Variants in PTPRZ1 observed in about 807,000 individuals in gnomAD.
PTPRZ1 encodes receptor-type tyrosine-protein phosphatase zeta.
Under a neutral mutation model 214.1 loss-of-function variants are expected in PTPRZ1, and 82 were observed. That is an observed-to-expected ratio of 0.38 (90% CI 0.32 to 0.46). PTPRZ1 has a LOEUF of 0.46. Among genes scored for constraint, PTPRZ1 ranks in the 20% least tolerant of loss-of-function variants. PTPRZ1 has a pLI of 1.00. For synonymous variants in PTPRZ1, 945 were observed against 987.9 expected (o/e 0.96, Z 0.81); for missense variants, 2,603 against 2,748.7 (o/e 0.95, Z 1.19).
At chr7:121,876,208 A>G (rs2116133875) in intron 1 of PTPRZ1, among the ~76,000 whole-genome samples, 1 of 152,236 alleles carries the variant, frequency 6.6e-6, no homozygotes, top group East Asian at 1.9e-4. Context: ...ACCAAAACAA[A>G]TTTTTCTTGA....
chr7:121,878,703 G>A lies in PTPRZ1; in HGVS notation c.58+5146G>A, dbSNP rs187031131. ...TTCAATTTATCTGTCTCCTTGACTC[G>A]ACCACATTATTTGAGGGTAAAGAAT... On this transcript the variant is annotated intron_variant, in intron 1 of 29. Coordinates refer to ENST00000393386, the MANE Select transcript of PTPRZ1 (RefSeq NM_002851.3). Among the ~76,000 whole-genome samples, 4 of 152,052 alleles carry A rather than the reference G, an allele frequency of 2.6e-5. No homozygotes were observed. The East Asian group carries it at 5.8e-4, about 22-fold the overall frequency.
At chr7:121,970,740 T>G (rs553357389) in intron 3 of PTPRZ1, among the ~76,000 whole-genome samples, 2 of 152,090 alleles carry the variant, frequency 1.3e-5, no homozygotes, top group Non-Finnish European at 2.9e-5. Flanking sequence ...AATTTTCTCC[T>G]ATTCTGTAGG....
chr7:121,953,010 C>T (rs1211870333), intron 2 of PTPRZ1, among the ~76,000 whole-genome samples: 1 of 151,936 alleles, frequency 6.6e-6, no homozygotes, highest in Non-Finnish European at 1.5e-5. Flanking sequence ...AGTGGAAATT[C>T]AGGAAAGAGG....
At chr7:121,878,054 A>T (rs904883713) in intron 1 of PTPRZ1, among the ~76,000 whole-genome samples, 1 of 151,764 alleles carries the variant, frequency 6.6e-6, no homozygotes, top group Non-Finnish European at 1.5e-5. Flanking sequence ...AAGTAACTTC[A>T]GATTACAAAA....
intron 1 of PTPRZ1, among the ~76,000 whole-genome samples, chr7:121,913,720 A>G (rs1333256464): frequency 3.3e-5 from 5 of 151,878 alleles, no homozygotes; most frequent in African/African-American, 1.2e-4. Flanking sequence ...CTTAGCAGGT[A>G]TGGGGGAAAG....
At chr7:121,892,633 G>A (rs1794668159) in intron 1 of PTPRZ1, among the ~76,000 whole-genome samples, 1 of 138,748 alleles carries the variant, frequency 7.2e-6, no homozygotes, top group African/African-American at 2.6e-5. Context: ...CCATTTAAAG[G>A]GCAAAATCAT....
chr7:121,955,599 C>G (rs1430195303), intron 2 of PTPRZ1, among the ~76,000 whole-genome samples: 1 of 152,180 alleles, frequency 6.6e-6, no homozygotes. Flanking sequence ...ACATTGAGGG[C>G]AGCTAGTTAA....
chr7:121,947,166 G>A (rs1796406186), intron 2 of PTPRZ1, among the ~76,000 whole-genome samples: 1 of 151,926 alleles, frequency 6.6e-6, no homozygotes, highest in African/African-American at 2.4e-5. Flanking sequence ...GAAGTACTCA[G>A]TGTCAGTGGG....
At chr7:122,031,594 G>A (rs767485286) in intron 15 of PTPRZ1, 35 bp downstream of exon 15, 1 of 1,418,480 alleles carries the variant, frequency 7.0e-7, no homozygotes, top group Admixed American at 1.8e-5. Flanking sequence ...AAATAATATA[G>A]AAAATAGTAA....
intron 2 of PTPRZ1, among the ~76,000 whole-genome samples, chr7:121,950,596 G>C (rs1397862009): frequency 6.6e-6 from 1 of 152,186 alleles, no homozygotes; most frequent in Non-Finnish European, 1.5e-5. Flanking sequence ...CCCTGCCTTA[G>C]TAAGTATGTA....
rs190442444 is a variant in PTPRZ1 at position 121,891,862 on chromosome 7, G to T, written c.58+18305G>T. Among the ~76,000 whole-genome samples the T allele has an allele frequency of 4.9e-4, 75 of 152,088 alleles. 1 individual carries two copies. The highest frequency in any genetic ancestry group is 8.5e-4 in the Non-Finnish European group (58 of 67,990). On this transcript the variant is annotated intron_variant, in intron 1 of 29. Transcript: ENST00000393386. ...TTTTTCTGTCATTGTCAAAAGTGAAGCTGTTTTCTGAGTCCTGCACTACAG... is the reference window on the plus strand; with the variant it reads ...TTTTTCTGTCATTGTCAAAAGTGAATCTGTTTTCTGAGTCCTGCACTACAG...
intron 23 of PTPRZ1, among the ~76,000 whole-genome samples, chr7:122,048,047 CAG>C (rs1437718062): frequency 2.0e-5 from 3 of 151,948 alleles, no homozygotes; most frequent in Non-Finnish European, 2.9e-5. Context: ...GTCATTTTCT[CAG>C]AGTATAATAC....
At chr7:122,033,794 T>A (rs1799456674) in intron 15 of PTPRZ1, 1 of 355,918 alleles carries the variant, frequency 2.8e-6, no homozygotes. Context: ...TATGACAAAA[T>A]GTATCATGGA....
At position 121,879,088 on chromosome 7, in the gene PTPRZ1, T is replaced by A. The variant is rs935243832; in HGVS notation, c.58+5531T>A. ...AAGCATATAGGCATCCTCTATGAGG[T>A]TGGAGCTGTCATGAATGTGATTAAT... On this transcript the variant is annotated intron_variant, in intron 1 of 29. Coordinates refer to ENST00000393386, the MANE Select transcript of PTPRZ1 (RefSeq NM_002851.3). Among the ~76,000 whole-genome samples, 5 of 152,296 alleles carry A rather than the reference T, an allele frequency of 3.3e-5. No individual in the cohort carries two copies. In the East Asian group the frequency reaches 9.6e-4, roughly 29 times the overall value.
intron 11 of PTPRZ1, among the ~76,000 whole-genome samples, chr7:122,007,614 C>T (rs1461405178): frequency 6.6e-6 from 1 of 152,018 alleles, no homozygotes; most frequent in Non-Finnish European, 1.5e-5. Flanking sequence ...GGAATATATT[C>T]ATAATGACTT....
At chr7:122,027,990 C>T (rs1488812859) in intron 13 of PTPRZ1, among the ~76,000 whole-genome samples, 7 of 152,100 alleles carry the variant, frequency 4.6e-5, no homozygotes, top group African/African-American at 1.7e-4. Context: ...AATGTTACCA[C>T]GGTGTAGTTT....
At chr7:121,950,127 T>C (rs1265286392) in intron 2 of PTPRZ1, among the ~76,000 whole-genome samples, 2 of 152,196 alleles carry the variant, frequency 1.3e-5, no homozygotes, top group African/African-American at 4.8e-5. Flanking sequence ...ACATCTTACA[T>C]GGATGGTGGC....
intron 11 of PTPRZ1, among the ~76,000 whole-genome samples, chr7:122,009,735 AT>A (rs1480116145): frequency 6.6e-6 from 1 of 152,100 alleles, no homozygotes; most frequent in Admixed American, 6.6e-5. Context: ...AGAATCATAT[AT>A]TGACAAGTTG....
At chr7:121,879,026 G>A (rs973425010) in intron 1 of PTPRZ1, among the ~76,000 whole-genome samples, 11 of 152,132 alleles carry the variant, frequency 7.2e-5, no homozygotes, top group Admixed American at 2.0e-4. Flanking sequence ...TCTGGTACGC[G>A]AACTTCACTT....
Sources: allele counts gnomAD v4.1 joint callset (sites outside exome capture counted in the v4.1 genomes callset), GRCh38; gene constraint gnomAD v4.1.1; transcripts MANE v1.5; gene names NCBI Gene and HGNC (gene_info 2026-07-23, HGNC 2026-07-21).